Variants in CPLX4 observed in about 807,000 individuals in gnomAD.
The protein encoded by CPLX4 is complexin 4.
A neutral mutation model predicts 16.1 loss-of-function variants in CPLX4; 17 were observed. That is an observed-to-expected ratio of 1.06 (90% CI 0.72 to 1.59). The LOEUF (loss-of-function observed/expected upper bound fraction) is 1.59, where lower values mean the gene tolerates loss of function less well. CPLX4 is among the 40% of genes most tolerant of loss of function. The pLI is 0.00. For synonymous variants in CPLX4, 55 were observed against 57.8 expected (o/e 0.95, Z 0.22); for missense variants, 193 against 192.9 (o/e 1.00, Z 0.00).
chr18:59,305,770 G>T (rs1250614600), intron 2 of CPLX4, among the ~76,000 whole-genome samples: 1 of 152,220 alleles, frequency 6.6e-6, no homozygotes, highest in Non-Finnish European at 1.5e-5. Context: ...GTAGGTGGTA[G>T]CAAAAAGCAA....
At chr18:59,308,724 C>T (rs1403757737) in intron 2 of CPLX4, among the ~76,000 whole-genome samples, 2 of 152,170 alleles carry the variant, frequency 1.3e-5, no homozygotes, top group Non-Finnish European at 2.9e-5. Context: ...GCCCTCCTTG[C>T]TCCAGCCAGG....
rs886144565 is a variant in CPLX4 at position 59,312,865 on chromosome 18, C to G, written c.168-93G>C. On this transcript the variant is annotated intron_variant, in intron 1 of 2. Transcript: ENST00000299721. ...GGAGCCAGACACAGGGTTACACCTT[C>G]TGAGATGCCACTGCTGGCAGACACT... The G allele has an allele frequency of 3.9e-5, 25 of 639,618 alleles. 1 individual carries two copies. Among genetic ancestry groups the G allele is most frequent in the Non-Finnish European group, 3.0e-5 (11 of 368,234 alleles). The allele number at this position is 639,618 out of a possible 1,614,324, so 39.6% of individuals were successfully genotyped here.
chr18:59,311,244 C>A (rs1276670985), intron 2 of CPLX4, among the ~76,000 whole-genome samples: 1 of 152,168 alleles, frequency 6.6e-6, no homozygotes, highest in Non-Finnish European at 1.5e-5. Flanking sequence ...AGTTATTAAA[C>A]CTGAACGGGG....
intron 2 of CPLX4, among the ~76,000 whole-genome samples, chr18:59,310,575 G>A (rs951558182): frequency 2.6e-5 from 4 of 151,986 alleles, no homozygotes; most frequent in East Asian, 1.9e-4. Context: ...AAGGACTGGC[G>A]GTCCTCAAGA....
intron 2 of CPLX4, among the ~76,000 whole-genome samples, chr18:59,310,947 C>CGTGTGTGTGT (rs56041362): frequency 1.2e-3 from 179 of 143,642 alleles, no homozygotes; most frequent in Non-Finnish European, 1.6e-3. Flanking sequence ...CCCAGCCAAT[C>CGTGTGTGTGT]GTGTGTGTGT....
At chr18:59,311,297 G>A (rs2070615480) in intron 2 of CPLX4, among the ~76,000 whole-genome samples, 1 of 152,182 alleles carries the variant, frequency 6.6e-6, no homozygotes, top group Non-Finnish European at 1.5e-5. Context: ...AAGTTCATTG[G>A]TTGTGAATGA....
chr18:59,312,939 G>C (rs2070627661), intron 1 of CPLX4, among the ~76,000 whole-genome samples, 167 bp from the exon 2 acceptor site: 1 of 152,070 alleles, frequency 6.6e-6, no homozygotes, highest in African/African-American at 2.4e-5. Context: ...CTGCCTCTCT[G>C]TTTGTTACTC....
chr18:59,299,294 G>A (rs2070523751), intron 2 of CPLX4, among the ~76,000 whole-genome samples: 1 of 152,202 alleles, frequency 6.6e-6, no homozygotes, highest in East Asian at 1.9e-4. Context: ...TGCCAATGTG[G>A]GACATCTGCC....
rs2070666463 is a variant in CPLX4 at position 59,318,500 on chromosome 18, A to G, written c.-38T>C. Reference sequence around the variant, plus strand: ...AGAAAAATAAAACCAAAATTCAGACAAAAGCTGAAAAAAAAAATCCAAACA... The same window carrying G: ...AGAAAAATAAAACCAAAATTCAGACGAAAGCTGAAAAAAAAAATCCAAACA... On this transcript the variant is annotated 5_prime_UTR_variant, in exon 1 of 3. Coordinates refer to ENST00000299721, the MANE Select transcript of CPLX4 (RefSeq NM_181654.4). The G allele has an allele frequency of 1.3e-6, 2 of 1,566,246 alleles. No individual in the cohort carries two copies. The highest frequency in any genetic ancestry group is 8.6e-7 in the Non-Finnish European group (1 of 1,163,284).
intron 2 of CPLX4, among the ~76,000 whole-genome samples, chr18:59,304,909 A>T (rs2070565859): frequency 6.9e-6 from 1 of 145,254 alleles, no homozygotes. Flanking sequence ...AATAACATCC[A>T]TTTACTCAAC....
chr18:59,308,993 C>A lies in CPLX4; in HGVS notation c.255+3692G>T, dbSNP rs542701300. On this transcript the variant is annotated intron_variant, in intron 2 of 2. Coordinates refer to ENST00000299721, the MANE Select transcript of CPLX4 (RefSeq NM_181654.4). Reference sequence around the variant, plus strand: ...CTGGGGTAGGGGAAGTTAGCCACAGCTGGTGATAACTGGACTAAGTGGAAT... The same window carrying A: ...CTGGGGTAGGGGAAGTTAGCCACAGATGGTGATAACTGGACTAAGTGGAAT... Among the ~76,000 whole-genome samples, 10 of 152,338 alleles carry A rather than the reference C, an allele frequency of 6.6e-5. No homozygotes were observed. The East Asian group carries it at 1.9e-3, about 29-fold the overall frequency.
Position 59,318,405 on chromosome 18 carries a change from C to CTAAATTTAG in CPLX4, c.57_58insCTAAATTTA (p.Gly19_Gly20insLeuAsnLeu). The CTAAATTTAG allele has an allele frequency of 6.2e-7, 1 of 1,613,752 alleles. No homozygotes were observed. The highest frequency in any genetic ancestry group is 1.1e-5 in the South Asian group (1 of 91,016). On this transcript the variant is annotated inframe_insertion, in exon 1 of 3. Coordinates refer to ENST00000299721, the MANE Select transcript of CPLX4 (RefSeq NM_181654.4). The stretch of plus-strand genomic sequence containing the variant: ...TCTTCTTTATTTTCTTCAGACCCAC[C>CTAAATTTAG]ACCAAATCCTAAATTCTTTACCTGG...
chr18:59,303,420 A>G (rs2070555114), intron 2 of CPLX4, among the ~76,000 whole-genome samples: 1 of 152,180 alleles, frequency 6.6e-6, no homozygotes, highest in African/African-American at 2.4e-5. Flanking sequence ...CGGAGGCCGC[A>G]TATCCAAGCC....
In CPLX4 at chr18:59,312,738, C is replaced by T; in HGVS notation, c.202G>A (p.Ala68Thr). Residue 68 changes from alanine (A) to threonine (T), a missense_variant, in exon 2 of 3, where the codon GCA becomes ACA. Physicochemically the swap from Ala to Thr is moderately conservative, Grantham distance 58. Coordinates refer to ENST00000299721, the MANE Select transcript of CPLX4 (RefSeq NM_181654.4). ...TGAACTCTGAGGCATGCCCTTTCTG[C>T]CTTTTTCTGTGTAAATGCAGCATCT... ...ERDAAFTQKKAERACLRVHLR... is the reference protein window; with the variant it reads ...ERDAAFTQKKTERACLRVHLR... 1 of 1,474,930 alleles carries T rather than the reference C, an allele frequency of 6.8e-7. No individual in the cohort carries two copies. The highest frequency in any genetic ancestry group is 9.5e-7 in the Non-Finnish European group (1 of 1,053,650). 91.4% of individuals were successfully genotyped at this position (1,474,930 alleles called of 1,614,324 possible).
chr18:59,308,541 C>CT (rs372511937), intron 2 of CPLX4, among the ~76,000 whole-genome samples: 28,716 of 119,338 alleles, frequency 0.24, 3,922 homozygotes, highest in South Asian at 0.3. Context: ...CCTATCAAGA[C>CT]TTTTTTTTTT....
intron 2 of CPLX4, among the ~76,000 whole-genome samples, chr18:59,303,895 C>T (rs573375608): frequency 1.3e-5 from 2 of 152,320 alleles, no homozygotes; most frequent in South Asian, 4.1e-4. Flanking sequence ...CTGCTGGGGC[C>T]TCTGATGGCC....
At chr18:59,303,538 T>A (rs1458066122) in intron 2 of CPLX4, among the ~76,000 whole-genome samples, 1 of 152,204 alleles carries the variant, frequency 6.6e-6, no homozygotes, top group East Asian at 1.9e-4. Context: ...CAGAAGGGTC[T>A]AGCAAGAAAA....
chr18:59,316,965 A>G (rs1256487248), intron 1 of CPLX4, among the ~76,000 whole-genome samples: 3 of 152,160 alleles, frequency 2.0e-5, no homozygotes, highest in Admixed American at 6.5e-5. Flanking sequence ...TGCATGCCAT[A>G]GGTAAAATCA....
chr18:59,305,462 T>G (rs1403600827), intron 2 of CPLX4, among the ~76,000 whole-genome samples: 2 of 152,084 alleles, frequency 1.3e-5, no homozygotes, highest in Non-Finnish European at 2.9e-5. Flanking sequence ...GTAGAAAAGC[T>G]ATGGTGAATT....
Sources: allele counts gnomAD v4.1 joint callset (sites outside exome capture counted in the v4.1 genomes callset), GRCh38; gene constraint gnomAD v4.1.1; transcripts MANE v1.5; gene names NCBI Gene and HGNC (gene_info 2026-07-23, HGNC 2026-07-21).